AIM2: variants seen among roughly 807,000 people sequenced by gnomAD.
The protein encoded by AIM2 is interferon-inducible protein AIM2.
In AIM2, 30 loss-of-function variants were observed where a neutral mutation model predicts 27.7. That is an observed-to-expected ratio of 1.08 (90% confidence interval 0.81 to 1.47). The LOEUF (loss-of-function observed/expected upper bound fraction) is 1.47, where lower values mean the gene tolerates loss of function less well. Among genes scored for constraint, AIM2 ranks in the 40% most tolerant of loss-of-function variants. AIM2 has a pLI of 0.00. For synonymous variants in AIM2, 141 were observed against 145.3 expected (o/e 0.97, Z 0.21); for missense variants, 358 against 411.3 (o/e 0.87, Z 1.12).
chr1:159,055,194 C>T, the AIM2 span: 1 of 199,430 alleles, frequency 5.0e-6, no homozygotes, highest in Non-Finnish European at 1.0e-5. Flanking sequence ...CCATGAGTTG[C>T]TTAAAAGCAA....
intron 1 of AIM2, among the ~76,000 whole-genome samples, chr1:159,101,306 A>G (rs530357955): frequency 4.6e-5 from 7 of 152,236 alleles, no homozygotes; most frequent in African/African-American, 1.7e-4. Flanking sequence ...CTCCTGCTGC[A>G]CTGTGAAGGG....
intron 1 of AIM2, among the ~76,000 whole-genome samples, chr1:159,093,521 C>T (rs1417642040): frequency 6.6e-6 from 1 of 152,058 alleles, no homozygotes; most frequent in Non-Finnish European, 1.5e-5. Context: ...TTTAGCAGCA[C>T]TGTTAAAGCC....
chr1:159,085,538 T>C (rs1210190145), intron 1 of AIM2, among the ~76,000 whole-genome samples: 1 of 152,068 alleles, frequency 6.6e-6, no homozygotes, highest in African/African-American at 2.4e-5. Context: ...CCAAGAGATA[T>C]GTAAATGGAG....
At chr1:159,091,712 T>A (rs1351502093) in intron 1 of AIM2, among the ~76,000 whole-genome samples, 3 of 152,198 alleles carry the variant, frequency 2.0e-5, no homozygotes, top group African/African-American at 7.2e-5. Context: ...GGGGGTGATG[T>A]ATAAAGGATG....
At chr1:159,083,360 T>C (rs1656826382) in intron 1 of AIM2, among the ~76,000 whole-genome samples, 2 of 152,152 alleles carry the variant, frequency 1.3e-5, no homozygotes, top group African/African-American at 4.8e-5. Context: ...GTGGCTAAAA[T>C]TGAAAACTAG....
intron 1 of AIM2, among the ~76,000 whole-genome samples, chr1:159,104,089 A>G (rs1439224763): frequency 6.6e-6 from 1 of 152,088 alleles, no homozygotes; most frequent in African/African-American, 2.4e-5. Context: ...TATGGTCTGT[A>G]TAAACTGGGG....
At chr1:159,075,092 T>G (rs1656540074) in intron 1 of AIM2, among the ~76,000 whole-genome samples, 1 of 152,110 alleles carries the variant, frequency 6.6e-6, no homozygotes, top group Admixed American at 6.5e-5. Flanking sequence ...AGTATGGCAG[T>G]GGCGTAGAAA....
intron 1 of AIM2, among the ~76,000 whole-genome samples, chr1:159,145,979 G>A (rs557851793): frequency 6.6e-6 from 1 of 152,206 alleles, no homozygotes; most frequent in South Asian, 2.1e-4. Flanking sequence ...GGTGGTGCGT[G>A]CCTGTAGTCC....
chr1:159,083,574 A>G (rs760009683), intron 1 of AIM2, among the ~76,000 whole-genome samples: 12 of 152,174 alleles, frequency 7.9e-5, no homozygotes, highest in Non-Finnish European at 1.6e-4. Context: ...GTATCTTCCT[A>G]TTCTAAGGAT....
At chr1:159,119,346 T>C (rs113598305) in intron 1 of AIM2, among the ~76,000 whole-genome samples, 1 of 152,304 alleles carries the variant, frequency 6.6e-6, no homozygotes, top group African/African-American at 2.4e-5. Context: ...GTTGGTGTAC[T>C]AATAACCTCT....
rs552460321 is a variant in AIM2, at chr1:159,132,321, T to C, written c.-16+8110A>G. On this transcript the variant is annotated intron_variant, in intron 1 of 2. Coordinates refer to the AIM2 transcript ENST00000368129. ...AGGCGGAGGTTGTAGTCAGTGGAGA[T>C]TGCAGTGAGCGGAGATTGCGCCATC... 4 of 151,900 alleles carry C rather than the reference T, an allele frequency of 2.6e-5. No homozygotes were observed. The South Asian group carries it at 8.3e-4, about 32-fold the overall frequency. 9.4% of individuals were successfully genotyped at this position (151,900 alleles called of 1,614,324 possible).
intron 1 of AIM2, among the ~76,000 whole-genome samples, chr1:159,110,859 T>G (rs1436839538): frequency 6.6e-6 from 1 of 152,148 alleles, no homozygotes; most frequent in Non-Finnish European, 1.5e-5. Context: ...TGTACATAGG[T>G]TCAGAAGTTA....
chr1:159,108,170 C>G (rs1280280875), intron 1 of AIM2, among the ~76,000 whole-genome samples: 1 of 152,100 alleles, frequency 6.6e-6, no homozygotes, highest in African/African-American at 2.4e-5. Context: ...TACTAGCTAA[C>G]CAAATCCATT....
intron 1 of AIM2, among the ~76,000 whole-genome samples, chr1:159,117,369 A>G (rs1350413416): frequency 6.6e-6 from 1 of 152,202 alleles, no homozygotes; most frequent in Non-Finnish European, 1.5e-5. Flanking sequence ...AACCTTAAGG[A>G]AGAAAAACAC....
chr1:159,121,670 C>T (rs1020834889), intron 1 of AIM2, among the ~76,000 whole-genome samples: 1 of 152,154 alleles, frequency 6.6e-6, no homozygotes, highest in Non-Finnish European at 1.5e-5. Flanking sequence ...CAGGTAATGA[C>T]TGCAGGGTGC....
chr1:159,145,553 T>C (rs1190459558), intron 1 of AIM2, among the ~76,000 whole-genome samples: 2 of 152,058 alleles, frequency 1.3e-5, no homozygotes, highest in Non-Finnish European at 2.9e-5. Flanking sequence ...CATCATCCCA[T>C]CCAACTTTCA....
At chr1:159,145,793 G>A (rs1456209126) in intron 1 of AIM2, among the ~76,000 whole-genome samples, 1 of 152,104 alleles carries the variant, frequency 6.6e-6, no homozygotes, top group Non-Finnish European at 1.5e-5. Flanking sequence ...ACCTCTGACA[G>A]ATTCTCCAGG....
At chr1:159,123,335 TTAACTCATAA>T (rs1321288216) in intron 1 of AIM2, among the ~76,000 whole-genome samples, 15 of 152,228 alleles carry the variant, frequency 9.9e-5, no homozygotes, top group Non-Finnish European at 1.9e-4. Flanking sequence ...CCAAGAGACC[TTAACTCATAA>T]TTCAGTGCTT....
intron 4 of AIM2, 36 bp downstream of exon 4, chr1:159,065,873 CT>C: frequency 6.5e-7 from 1 of 1,537,860 alleles, no homozygotes; most frequent in Non-Finnish European, 8.7e-7. Context: ...ATACGTTATT[CT>C]TACTAATCAA....
Sources: allele counts gnomAD v4.1 joint callset (sites outside exome capture counted in the v4.1 genomes callset), GRCh38; gene constraint gnomAD v4.1.1; transcripts MANE v1.5; gene names NCBI Gene and HGNC (gene_info 2026-07-23, HGNC 2026-07-21).